NRG3: variants seen among roughly 807,000 people sequenced by gnomAD.
NRG3 encodes the protein pro-neuregulin-3, membrane-bound isoform.
NRG3 carries 31 observed loss-of-function variants against 66.9 expected under a neutral mutation model. The observed-to-expected ratio is 0.46, with a 90% confidence interval of 0.35 to 0.63. NRG3 has a LOEUF of 0.63. Ranked by LOEUF, NRG3 falls within the 20% of genes least tolerant of loss-of-function variation. The pLI is 0.00. For missense variants in NRG3, 910 were observed against 878.9 expected (o/e 1.04, Z -0.45); for synonymous variants, 393 against 359.4 (o/e 1.09, Z -1.06).
At chr10:82,662,339 C>G (rs1282287223) in intron 2 of NRG3, among the ~76,000 whole-genome samples, 5 of 151,148 alleles carry the variant, frequency 3.3e-5, no homozygotes, top group Admixed American at 6.6e-5. Context: ...AAGTCATCAG[C>G]AAGGCTCAAA....
At chr10:82,298,714 A>G (rs759095508) in intron 1 of NRG3, among the ~76,000 whole-genome samples, 3 of 152,170 alleles carry the variant, frequency 2.0e-5, no homozygotes, top group African/African-American at 2.4e-5. Flanking sequence ...TCATGTTAAC[A>G]TATCAAAGCC....
At chr10:82,892,914 A>G (rs191054280) in intron 4 of NRG3, among the ~76,000 whole-genome samples, 15 of 152,118 alleles carry the variant, frequency 9.9e-5, no homozygotes, top group Admixed American at 9.8e-4. Context: ...TATGTACCTC[A>G]TAACACCACC....
At chr10:82,409,208 T>C (rs922183199) in intron 2 of NRG3, among the ~76,000 whole-genome samples, 1 of 152,328 alleles carries the variant, frequency 6.6e-6, no homozygotes, top group African/African-American at 2.4e-5. Flanking sequence ...AAAGCATTTC[T>C]GAATTAGATA....
At chr10:82,435,174 A>G (rs1476407513) in intron 2 of NRG3, among the ~76,000 whole-genome samples, 1 of 152,032 alleles carries the variant, frequency 6.6e-6, no homozygotes, top group African/African-American at 2.4e-5. Context: ...TAATCTTGGT[A>G]GGGTGTATGC....
At chr10:82,595,430 A>G (rs2133347775) in intron 2 of NRG3, among the ~76,000 whole-genome samples, 1 of 152,318 alleles carries the variant, frequency 6.6e-6, no homozygotes, top group East Asian at 1.9e-4. Flanking sequence ...GCTTTAGAGT[A>G]TAAGGTCCTT....
Position 81,876,233 on chromosome 10 carries a change from C to T in NRG3, c.823+70C>T, listed in dbSNP as rs1841630750. 9 of 1,493,088 alleles carry T rather than the reference C, an allele frequency of 6.0e-6. No individual in the cohort carries two copies. The South Asian group carries it at 1.1e-4, about 18-fold the overall frequency. 92.5% of individuals were successfully genotyped at this position (1,493,088 alleles called of 1,614,324 possible). A position where few individuals can be genotyped will look rare whatever the true frequency, so the allele number is the denominator to read the frequency against. ...CCTTCTGCCCTCCTGCTGTCTTTTTCCCTCGCCGCCTGTTTTCTAGCAAGC... is the reference window on the plus strand; with the variant it reads ...CCTTCTGCCCTCCTGCTGTCTTTTTTCCTCGCCGCCTGTTTTCTAGCAAGC... On this transcript the variant is annotated intron_variant, in intron 1 of 8. Transcript: ENST00000372141.
chr10:82,545,377 ATTT>A (rs745968047), intron 2 of NRG3, among the ~76,000 whole-genome samples: 1,698 of 130,878 alleles, frequency 0.013, 8 homozygotes, highest in Middle Eastern at 0.059. Context: ...TGCTAATAGC[ATTT>A]TTTTTTTTTT....
intron 3 of NRG3, among the ~76,000 whole-genome samples, chr10:82,819,077 T>C (rs1253317151): frequency 1.3e-5 from 2 of 152,244 alleles, no homozygotes; most frequent in African/African-American, 2.4e-5. Context: ...TAATTAGACG[T>C]ATTTTGTAAT....
chr10:82,732,893 G>A (rs1249586385), intron 2 of NRG3, among the ~76,000 whole-genome samples: 2 of 152,204 alleles, frequency 1.3e-5, no homozygotes, highest in African/African-American at 4.8e-5. Context: ...GCAGAAGAGA[G>A]AGAAGAATAT....
At chr10:82,089,946 C>A (rs2133499878) in intron 1 of NRG3, among the ~76,000 whole-genome samples, 1 of 152,276 alleles carries the variant, frequency 6.6e-6, no homozygotes, top group Admixed American at 6.5e-5. Flanking sequence ...ATAGGCAAGT[C>A]AGTTCCCTGC....
At chr10:82,150,086 T>C (rs1205785592) in intron 1 of NRG3, among the ~76,000 whole-genome samples, 3 of 152,074 alleles carry the variant, frequency 2.0e-5, no homozygotes, top group Non-Finnish European at 4.4e-5. Context: ...ATTCCAGCCC[T>C]GGTACCCCTG....
intron 2 of NRG3, among the ~76,000 whole-genome samples, chr10:82,656,966 G>A (rs1394137346): frequency 2.0e-5 from 3 of 151,914 alleles, no homozygotes; most frequent in African/African-American, 7.3e-5. Flanking sequence ...TCATCACGCT[G>A]GCCTCCAAGC....
At chr10:82,693,992 ATT>A (rs2055161988) in intron 2 of NRG3, among the ~76,000 whole-genome samples, 1 of 152,144 alleles carries the variant, frequency 6.6e-6, no homozygotes, top group Non-Finnish European at 1.5e-5. Context: ...TGATTTGTCC[ATT>A]TTACAGAGTG....
At chr10:82,948,128 A>G (rs1193303082) in intron 4 of NRG3, among the ~76,000 whole-genome samples, 1 of 152,030 alleles carries the variant, frequency 6.6e-6, no homozygotes, top group African/African-American at 2.4e-5. Flanking sequence ...ATTTTTGTGG[A>G]TATGGCTATA....
chr10:82,849,027 T>C (rs2063439942), intron 3 of NRG3, among the ~76,000 whole-genome samples: 1 of 152,184 alleles, frequency 6.6e-6, no homozygotes, highest in Non-Finnish European at 1.5e-5. Flanking sequence ...ATACAAGTCC[T>C]AATACCAGTA....
chr10:82,571,572 G>A (rs2045739959), intron 2 of NRG3, among the ~76,000 whole-genome samples: 1 of 151,572 alleles, frequency 6.6e-6, no homozygotes, highest in Non-Finnish European at 1.5e-5. Flanking sequence ...ATTTTCAAAA[G>A]AATAGCGAGA....
chr10:82,473,531 C>T (rs1041002825), intron 2 of NRG3, among the ~76,000 whole-genome samples: 1 of 152,080 alleles, frequency 6.6e-6, no homozygotes, highest in Non-Finnish European at 1.5e-5. Flanking sequence ...TGTAGGGACT[C>T]GGAAATTGGC....
chr10:81,882,561 A>G (rs1194051109), intron 1 of NRG3, among the ~76,000 whole-genome samples: 1 of 152,148 alleles, frequency 6.6e-6, no homozygotes, highest in Non-Finnish European at 1.5e-5. Context: ...CCCCTGGTAT[A>G]ATGAGGTTGA....
At chr10:82,984,095 G>A (rs1433082835) in intron 8 of NRG3, among the ~76,000 whole-genome samples, 5 of 152,190 alleles carry the variant, frequency 3.3e-5, no homozygotes, top group Admixed American at 2.6e-4. Context: ...TTTAAATTGT[G>A]TCAAAATTTG....
Sources: allele counts gnomAD v4.1 joint callset (sites outside exome capture counted in the v4.1 genomes callset), GRCh38; gene constraint gnomAD v4.1.1; transcripts MANE v1.5; gene names NCBI Gene and HGNC (gene_info 2026-07-23, HGNC 2026-07-21).